OPCML: variants seen among roughly 807,000 people sequenced by gnomAD.
OPCML encodes the protein opioid binding protein/cell adhesion molecule like, also known as opioid-binding protein/cell adhesion molecule.
In OPCML, 13 loss-of-function variants were observed where a neutral mutation model predicts 37.8. That is an observed-to-expected ratio of 0.34 (90% CI 0.22 to 0.55). The LOEUF (loss-of-function observed/expected upper bound fraction) is 0.55. Among genes scored for constraint, OPCML ranks in the 20% least tolerant of loss-of-function variants. OPCML has a pLI of 0.91. For synonymous variants in OPCML, 176 were observed against 168.8 expected (o/e 1.04, Z -0.33); for missense variants, 341 against 435.6 (o/e 0.78, Z 1.93).
At chr11:132,864,433 A>G (rs11223253) in intron 2 of OPCML, among the ~76,000 whole-genome samples, 9,772 of 152,228 alleles carry the variant, frequency 0.064, 433 homozygotes, top group African/African-American at 0.12. Flanking sequence ...TAAATCACTT[A>G]ACATCCCTGA....
chr11:132,460,050 CCAAA>C (rs1212301831), intron 4 of OPCML, among the ~76,000 whole-genome samples: 5 of 152,130 alleles, frequency 3.3e-5, no homozygotes, highest in Non-Finnish European at 7.4e-5. Context: ...GAGCTGGCAA[CCAAA>C]CAGTCTAACA....
At chr11:133,274,178 G>A (rs762409899) in intron 1 of OPCML, among the ~76,000 whole-genome samples, 6 of 152,132 alleles carry the variant, frequency 3.9e-5, no homozygotes, top group Non-Finnish European at 7.3e-5. Context: ...TCATTACTGA[G>A]CACTTGTCAT....
At chr11:132,832,481 T>A (rs981775067) in intron 2 of OPCML, among the ~76,000 whole-genome samples, 1 of 152,220 alleles carries the variant, frequency 6.6e-6, no homozygotes, top group African/African-American at 2.4e-5. Flanking sequence ...ATGAACAGAC[T>A]TCTGAAATGA....
intron 1 of OPCML, among the ~76,000 whole-genome samples, chr11:133,170,409 C>G (rs1950272968): frequency 6.6e-6 from 1 of 152,190 alleles, no homozygotes; most frequent in Admixed American, 6.5e-5. Flanking sequence ...TGGCGTGAAC[C>G]CAGGAGGCAG....
chr11:133,096,256 G>T (rs968601407), intron 1 of OPCML, among the ~76,000 whole-genome samples: 1 of 151,762 alleles, frequency 6.6e-6, no homozygotes, highest in Admixed American at 6.6e-5. Flanking sequence ...CTACCTTTAA[G>T]ATACTTCCTA....
chr11:133,470,514 A>G (rs759980985), intron 1 of OPCML, among the ~76,000 whole-genome samples: 2 of 152,196 alleles, frequency 1.3e-5, no homozygotes, highest in African/African-American at 4.8e-5. Flanking sequence ...AAATGTCACG[A>G]GGAAGGAGGG....
intron 2 of OPCML, among the ~76,000 whole-genome samples, chr11:132,877,702 A>G (rs144620003): frequency 6.6e-6 from 1 of 152,310 alleles, no homozygotes; most frequent in African/African-American, 2.4e-5. Context: ...AATCTGTAGT[A>G]TATTCACTAG....
chr11:132,450,303 C>T (rs1397087784), intron 4 of OPCML, among the ~76,000 whole-genome samples: 4 of 152,158 alleles, frequency 2.6e-5, no homozygotes, highest in Non-Finnish European at 4.4e-5. Context: ...CAGAAAATGT[C>T]GCTGTGAGGG....
intron 1 of OPCML, among the ~76,000 whole-genome samples, chr11:133,041,709 T>G (rs1297003802): frequency 1.3e-5 from 2 of 152,158 alleles, no homozygotes; most frequent in Admixed American, 6.5e-5. Context: ...TGGGACTGCA[T>G]CCCTGGGAAT....
At chr11:132,547,882 G>T (rs1297162114) in intron 3 of OPCML, among the ~76,000 whole-genome samples, 1 of 152,140 alleles carries the variant, frequency 6.6e-6, no homozygotes, top group Admixed American at 6.5e-5. Flanking sequence ...GAAGGAGAGA[G>T]ACCCAAAGGA....
At chr11:132,544,130 C>A (rs748509693) in intron 3 of OPCML, among the ~76,000 whole-genome samples, 1 of 152,064 alleles carries the variant, frequency 6.6e-6, no homozygotes, top group Non-Finnish European at 1.5e-5. Context: ...TTATATTAGT[C>A]TATCCCTAGA....
chr11:132,837,666 G>A (rs1349266988), intron 2 of OPCML, among the ~76,000 whole-genome samples: 2 of 152,188 alleles, frequency 1.3e-5, no homozygotes, highest in African/African-American at 2.4e-5. Context: ...AAGGGGCCAA[G>A]GTCAGTTCTC....
In OPCML at chr11:133,208,746, G is replaced by A. The variant is rs979829071; in HGVS notation, c.62-265736C>T. 1.2e-4 allele frequency among the ~76,000 whole-genome samples: 18 copies of A among 152,274 alleles called. No homozygotes were observed. Among genetic ancestry groups the A allele is most frequent in the South Asian group, 4.2e-4 (2 of 4,814 alleles). ...AGGCTGCTGTAAGACTGAAGCACAC[G>A]TTATCTAAAGCAATGGCCCTTCTCT... is the stretch of plus-strand genomic sequence containing the variant. On this transcript the variant is annotated intron_variant, in intron 1 of 7. Transcript: ENST00000524381. This position sits in a 1 kb window ranked among gnomAD's most constrained non-coding sequence, Gnocchi z 8.9.
At chr11:132,857,053 A>G (rs1942084110) in intron 2 of OPCML, among the ~76,000 whole-genome samples, 1 of 152,196 alleles carries the variant, frequency 6.6e-6, no homozygotes, top group South Asian at 2.1e-4. Flanking sequence ...CTGCAGACCC[A>G]TACGGATTTA....
chr11:133,228,482 A>G (rs1378004593), intron 1 of OPCML, among the ~76,000 whole-genome samples: 1 of 152,246 alleles, frequency 6.6e-6, no homozygotes, highest in Admixed American at 6.5e-5. Flanking sequence ...GAGAGTTTTC[A>G]AACTCATCCA....
At chr11:132,619,420 G>A (rs1248132941) in intron 3 of OPCML, among the ~76,000 whole-genome samples, 1 of 152,142 alleles carries the variant, frequency 6.6e-6, no homozygotes, top group Non-Finnish European at 1.5e-5. Flanking sequence ...AGTGCCTAGT[G>A]TATGGTAGGC....
intron 4 of OPCML, among the ~76,000 whole-genome samples, chr11:132,516,360 C>T (rs1046754929): frequency 3.3e-5 from 5 of 152,182 alleles, no homozygotes; most frequent in African/African-American, 9.7e-5. Context: ...ACTGTACAGA[C>T]AGAGTGCTTC....
intron 1 of OPCML, among the ~76,000 whole-genome samples, chr11:133,166,781 C>T (rs914724123): frequency 1.3e-5 from 2 of 152,150 alleles, no homozygotes; most frequent in Non-Finnish European, 2.9e-5. Flanking sequence ...AGATGTGAAA[C>T]AGATTAAACT....
At chr11:132,719,226 G>C (rs11223187) in intron 2 of OPCML, among the ~76,000 whole-genome samples, 1 of 151,996 alleles carries the variant, frequency 6.6e-6, no homozygotes, top group East Asian at 1.9e-4. Flanking sequence ...CCGCGTTTTC[G>C]TTTGGGGAGA....
Sources: allele counts gnomAD v4.1 joint callset (sites outside exome capture counted in the v4.1 genomes callset), GRCh38; gene constraint gnomAD v4.1.1; non-coding constraint Gnocchi (gnomAD v3.1); transcripts MANE v1.5; gene names NCBI Gene and HGNC (gene_info 2026-07-23, HGNC 2026-07-21).